The following TNFRSF13C variants were observed in gnomAD, a reference collection of about 807,000 sequenced individuals.
TNFRSF13C encodes TNF receptor superfamily member 13C.
A neutral mutation model predicts 12.1 loss-of-function variants in TNFRSF13C; 7 were observed. The ratio of observed to expected loss-of-function variants is 0.58; its 90% CI spans 0.33 to 1.08. The LOEUF is 1.08. TNFRSF13C is among the 50% of genes least tolerant of loss of function. The probability of loss-of-function intolerance (pLI) is 0.04; values close to 1 mark genes in which losing one functional copy is unlikely to be tolerated. For missense variants in TNFRSF13C, 260 were observed against 265.9 expected, an observed-to-expected ratio of 0.98 and a Z score of 0.15; for synonymous variants, 157 against 130.8, an observed-to-expected ratio of 1.20 and a Z score of -1.37.
At position 41,925,333 on chromosome 22, in the gene TNFRSF13C, G is replaced by A; in HGVS notation, c.*34C>T. 1 of 1,579,276 alleles carries A rather than the reference G, an allele frequency of 6.3e-7. No individual in the cohort carries two copies. The highest frequency in any genetic ancestry group is 8.6e-7 in the Non-Finnish European group (1 of 1,167,028). On this transcript the variant is annotated 3_prime_UTR_variant, in exon 3 of 3. Transcript: ENST00000291232. ...CCAAGCCCCTGGCTGGGGGTCCAGA[G>A]GGAGGGCAGGGGCCACCTCCTGCCG... is the stretch of plus-strand genomic sequence containing the variant.
In TNFRSF13C at chr22:41,926,282, C is replaced by T; in HGVS notation, c.186G>A (p.Ser62=). The T allele has an allele frequency of 1.3e-6, 2 of 1,487,162 alleles. No individual in the cohort carries two copies. Among genetic ancestry groups the T allele is most frequent in the South Asian group, 1.3e-5 (1 of 78,370 alleles). 92.1% of individuals were successfully genotyped at this position (1,487,162 alleles called of 1,614,324 possible). ...APRTALQPQE[S]VGAGAGEAAL... is the part of the protein sequence containing the mutation. ...CCGCCTCGCCGGCCCCCGCGCCCAC[C>T]GACTCCTGCGGCTGCAGCGCCGTCC... Residue 62 remains serine, a synonymous_variant, in exon 2 of 3, where the codon TCG becomes TCA. Transcript: ENST00000291232. The surrounding 1 kb of genome is among the most constrained non-coding windows in gnomAD (Gnocchi z 4.9).
At position 41,926,068 on chromosome 22, in the gene TNFRSF13C, G is replaced by A; in HGVS notation, c.367+33C>T. The A allele has an allele frequency of 6.2e-7, 1 of 1,611,242 alleles. No homozygotes were observed. The highest frequency in any genetic ancestry group is 8.5e-7 in the Non-Finnish European group (1 of 1,179,232). ...CCCGACACCCCAGCCCCTGCGCCCC[G>A]CTCAGACTGGTTCCCCTACACACGG... On this transcript the variant is annotated intron_variant, in intron 2 of 2. Transcript: ENST00000291232. This position sits in a 1 kb window ranked among gnomAD's most constrained non-coding sequence, Gnocchi z 4.9.
chr22:41,926,255 C>T lies in TNFRSF13C; in HGVS notation c.213G>A (p.Ala71=), dbSNP rs767759337. ...CAAAGAGCAGCCCGGGCAGGGGCAG[C>T]GCCGCCTCGCCGGCCCCCGCGCCCA... The part of the protein sequence containing the change: ...ESVGAGAGEA[A]LPLPGLLFGA... The change falls in exon 2 of 3, where the codon GCG becomes GCA. Residue 71 remains alanine, a synonymous_variant. Coordinates refer to ENST00000291232, the MANE Select transcript of TNFRSF13C (RefSeq NM_052945.4). This position sits in a 1 kb window ranked among gnomAD's most constrained non-coding sequence, Gnocchi z 4.9. The T allele has an allele frequency of 2.6e-4, 387 of 1,504,446 alleles. No individual in the cohort carries two copies. The highest frequency in any genetic ancestry group is 3.0e-4 in the Non-Finnish European group (345 of 1,133,922). 93.2% of individuals were successfully genotyped at this position (1,504,446 alleles called of 1,614,324 possible). A position where few individuals can be genotyped will look rare whatever the true frequency, so the allele number is the denominator to read the frequency against.
rs1602371024 is a variant in TNFRSF13C, at chr22:41,922,163, C to T, written c.*3204G>A. On this transcript the variant is annotated 3_prime_UTR_variant, in exon 3 of 3. Coordinates refer to ENST00000291232, the MANE Select transcript of TNFRSF13C (RefSeq NM_052945.4). ...TATGTAGAAAAATACACCACACACTCGAGGCCTGGGGTTACTGGACACGGG... is the reference window on the plus strand; with the variant it reads ...TATGTAGAAAAATACACCACACACTTGAGGCCTGGGGTTACTGGACACGGG... The T allele has an allele frequency of 6.6e-6, 1 of 152,330 alleles. No homozygotes were observed. Among genetic ancestry groups the T allele is most frequent in the East Asian group, 1.9e-4 (1 of 5,188 alleles). 9.4% of individuals were successfully genotyped at this position (152,330 alleles called of 1,614,324 possible). A position where few individuals can be genotyped will look rare whatever the true frequency, so the allele number is the denominator to read the frequency against.
At position 41,926,121 on chromosome 22, in the gene TNFRSF13C, G is replaced by T. The variant is rs886057588; in HGVS notation, c.347C>A (p.Ala116Asp). The part of the protein sequence containing the change: ...RRLRGASSAE[A>D]PDGDKDAPEP... The stretch of plus-strand genomic sequence containing the variant: ...CTCACCGTCCTTGTCTCCGTCGGGG[G>T]CCTCTGCGGAGGACGCGCCGCGAAG... The change falls in exon 2 of 3, where the codon GCC becomes GAC. Residue 116 changes from alanine to aspartate, a missense_variant. Physicochemically the swap from Ala to Asp is moderately radical, Grantham distance 126. Coordinates refer to ENST00000291232, the MANE Select transcript of TNFRSF13C (RefSeq NM_052945.4). This position sits in a 1 kb window ranked among gnomAD's most constrained non-coding sequence, Gnocchi z 4.9. 2 of 1,612,250 alleles carry T rather than the reference G, an allele frequency of 1.2e-6. No homozygotes were observed. The highest frequency in any genetic ancestry group is 1.7e-6 in the Non-Finnish European group (2 of 1,179,818).
In TNFRSF13C at chr22:41,925,374, T is replaced by G; in HGVS notation, c.548A>C (p.Gln183Pro). Residue 183 changes from glutamine to proline, a missense_variant, in exon 3 of 3, where the codon CAA becomes CCA. Transcript: ENST00000291232. Reference protein sequence around the residue: ...LVTTKTAGPEQQ With the variant: ...LVTTKTAGPEPQ ...CCTCCTGCCGGCTCCCTGCTATTGT[T>G]GCTCAGGGCCGGCCGTCTTGGTGGT... 6.2e-7 allele frequency: 1 copy of G among 1,602,814 alleles called. No homozygotes were observed. Among genetic ancestry groups the G allele is most frequent in the Non-Finnish European group, 8.5e-7 (1 of 1,177,398 alleles).
In TNFRSF13C at chr22:41,924,647, CA is replaced by C. The variant is rs2077620396; in HGVS notation, c.*719del. The stretch of plus-strand genomic sequence containing the variant: ...TGCGTGATACAGCAAGACCCTGTCT[CA>C]AAAAAAACCAAAACACAAAACAAGG... On this transcript the variant is annotated 3_prime_UTR_variant, in exon 3 of 3. Coordinates refer to ENST00000291232, the MANE Select transcript of TNFRSF13C (RefSeq NM_052945.4). The C allele has an allele frequency of 6.6e-6, 1 of 151,164 alleles. No individual in the cohort carries two copies. The highest frequency in any genetic ancestry group is 1.5e-5 in the Non-Finnish European group (1 of 67,874). The allele number at this position is 151,164 out of a possible 1,614,324, so 9.4% of individuals were successfully genotyped here.
Position 41,926,070 on chromosome 22 carries a change from T to C in TNFRSF13C, c.367+31A>G. ...CGACACCCCAGCCCCTGCGCCCCGC[T>C]CAGACTGGTTCCCCTACACACGGAA... On this transcript the variant is annotated intron_variant, in intron 2 of 2. Transcript: ENST00000291232. This position sits in a 1 kb window ranked among gnomAD's most constrained non-coding sequence, Gnocchi z 4.9. 1.2e-6 allele frequency: 2 copies of C among 1,611,540 alleles called. No homozygotes were observed. The highest frequency in any genetic ancestry group is 1.7e-6 in the Non-Finnish European group (2 of 1,179,498).
At position 41,924,500 on chromosome 22, in the gene TNFRSF13C, A is replaced by G. The variant is rs2146587605; in HGVS notation, c.*867T>C. The stretch of plus-strand genomic sequence containing the variant: ...GAGACTCTGTCTCAAAAAAAAAAAA[A>G]AAAAAAAAATTAGCTGGGCAAGGTG... On this transcript the variant is annotated 3_prime_UTR_variant, in exon 3 of 3. Transcript: ENST00000291232. 6.6e-6 allele frequency: 1 copy of G among 151,572 alleles called. No homozygotes were observed. The highest frequency in any genetic ancestry group is 1.9e-4 in the East Asian group (1 of 5,144). The allele number at this position is 151,572 out of a possible 1,614,324, so 9.4% of individuals were successfully genotyped here.
Position 41,926,745 on chromosome 22 carries a change from C to A in TNFRSF13C, c.29G>T (p.Gly10Val). 7.2e-7 allele frequency: 1 copy of A among 1,385,678 alleles called. No individual in the cohort carries two copies. Among genetic ancestry groups the A allele is most frequent in the Non-Finnish European group, 9.3e-7 (1 of 1,073,006 alleles). The allele number at this position is 1,385,678 out of a possible 1,614,324, so 85.8% of individuals were successfully genotyped here. A position where few individuals can be genotyped will look rare whatever the true frequency, so the allele number is the denominator to read the frequency against. The change falls in exon 1 of 3, where the codon GGC becomes GTC. Residue 10 changes from glycine (G) to valine (V), a missense_variant. Transcript: ENST00000291232. The surrounding 1 kb of genome is among the most constrained non-coding windows in gnomAD (Gnocchi z 4.9). ...GGGCGTGGGGGCTGGCGCGTCCCTG[C>A]CCCGCAGGCTCCGGGGCCCTCGCCT... is the stretch of plus-strand genomic sequence containing the variant. MRRGPRSLR[G>V]RDAPAPTPCV...
Position 41,925,619 on chromosome 22 carries a change from T to C in TNFRSF13C, c.368-65A>G, listed in dbSNP as rs546394806. 6.9e-6 allele frequency: 11 copies of C among 1,584,992 alleles called. No individual in the cohort carries two copies. In the African/African-American group the frequency reaches 1.1e-4, roughly 15 times the overall value. On this transcript the variant is annotated intron_variant, in intron 2 of 2. Coordinates refer to ENST00000291232, the MANE Select transcript of TNFRSF13C (RefSeq NM_052945.4). ...GCCTTCCCTCCCTCCCCTAGAAGACTCCTCTGGAGGGGCAGTCCTCCGTCA... is the reference window on the plus strand; with the variant it reads ...GCCTTCCCTCCCTCCCCTAGAAGACCCCTCTGGAGGGGCAGTCCTCCGTCA...
At position 41,923,195 on chromosome 22, in the gene TNFRSF13C, C is replaced by T. The variant is rs574394923; in HGVS notation, c.*2172G>A. ...GCTCTGGTGGCAGCTCAGGGGGAGG[C>T]AGGCAGAAAACATCTGATGCACAGA... On this transcript the variant is annotated 3_prime_UTR_variant, in exon 3 of 3. Coordinates refer to ENST00000291232, the MANE Select transcript of TNFRSF13C (RefSeq NM_052945.4). 5.8e-5 allele frequency: 9 copies of T among 155,464 alleles called. No individual in the cohort carries two copies. In the South Asian group the frequency reaches 1.2e-3, roughly 21 times the overall value. 9.6% of individuals were successfully genotyped at this position (155,464 alleles called of 1,614,324 possible).
At position 41,926,270 on chromosome 22, in the gene TNFRSF13C, C is replaced by G; in HGVS notation, c.198G>C (p.Gly66=). The G allele has an allele frequency of 6.7e-7, 1 of 1,491,656 alleles. No homozygotes were observed. Among genetic ancestry groups the G allele is most frequent in the Non-Finnish European group, 8.9e-7 (1 of 1,128,656 alleles). 92.4% of individuals were successfully genotyped at this position (1,491,656 alleles called of 1,614,324 possible). A position where few individuals can be genotyped will look rare whatever the true frequency, so the allele number is the denominator to read the frequency against. Reference sequence around the variant, plus strand: ...GCAGGGGCAGCGCCGCCTCGCCGGCCCCCGCGCCCACCGACTCCTGCGGCT... The same window carrying G: ...GCAGGGGCAGCGCCGCCTCGCCGGCGCCCGCGCCCACCGACTCCTGCGGCT... The part of the protein sequence containing the change: ...ALQPQESVGA[G]AGEAALPLPG... The change falls in exon 2 of 3, where the codon GGG becomes GGC. Residue 66 remains glycine (G), a synonymous_variant. Coordinates refer to ENST00000291232, the MANE Select transcript of TNFRSF13C (RefSeq NM_052945.4). This position sits in a 1 kb window ranked among gnomAD's most constrained non-coding sequence, Gnocchi z 4.9.
rs778466279 is a variant in TNFRSF13C at position 41,926,113 on chromosome 22, C to T, written c.355G>A (p.Gly119Arg). 6.2e-7 allele frequency: 1 copy of T among 1,612,502 alleles called. No individual in the cohort carries two copies. Among genetic ancestry groups the T allele is most frequent in the South Asian group, 1.1e-5 (1 of 91,066 alleles). The part of the protein sequence containing the change: ...RGASSAEAPD[G>R]DKDAPEPLDK... The stretch of plus-strand genomic sequence containing the variant: ...ACACGGAACTCACCGTCCTTGTCTC[C>T]GTCGGGGGCCTCTGCGGAGGACGCG... The change falls in exon 2 of 3, where the codon GGA becomes AGA. Residue 119 changes from glycine (G) to arginine (R), a missense_variant. Physicochemically the swap from Gly to Arg is moderately radical, Grantham distance 125. Transcript: ENST00000291232. This position sits in a 1 kb window ranked among gnomAD's most constrained non-coding sequence, Gnocchi z 4.9.
Position 41,926,613 on chromosome 22 carries a change from C to A in TNFRSF13C, c.136+25G>T. 7.0e-7 allele frequency: 1 copy of A among 1,419,730 alleles called. No individual in the cohort carries two copies. Among genetic ancestry groups the A allele is most frequent in the Non-Finnish European group, 9.2e-7 (1 of 1,090,066 alleles). 87.9% of individuals were successfully genotyped at this position (1,419,730 alleles called of 1,614,324 possible). On this transcript the variant is annotated intron_variant, in intron 1 of 2. Coordinates refer to ENST00000291232, the MANE Select transcript of TNFRSF13C (RefSeq NM_052945.4). This position sits in a 1 kb window ranked among gnomAD's most constrained non-coding sequence, Gnocchi z 4.9. ...CCGTTCTCCCCGCAGCTGCCGGCGC[C>A]GCGCGCCCCGTGGGTCCCCCTTACC...
In TNFRSF13C at chr22:41,926,469, A is replaced by G. The variant is rs1268223591; in HGVS notation, c.137-138T>C. 9.0e-7 allele frequency: 1 copy of G among 1,105,066 alleles called. No homozygotes were observed. The highest frequency in any genetic ancestry group is 1.7e-5 in the African/African-American group (1 of 59,788). The allele number at this position is 1,105,066 out of a possible 1,614,324, so 68.5% of individuals were successfully genotyped here. A position where few individuals can be genotyped will look rare whatever the true frequency, so the allele number is the denominator to read the frequency against. On this transcript the variant is annotated intron_variant, in intron 1 of 2. Transcript: ENST00000291232. This position sits in a 1 kb window ranked among gnomAD's most constrained non-coding sequence, Gnocchi z 4.9. The stretch of plus-strand genomic sequence containing the variant: ...GGGCGGTGGACAAGGGGAGGGAGAG[A>G]GGCGGCGGTGAGGGCCACGCGGTGA...
chr22:41,923,729 C>T lies in TNFRSF13C; in HGVS notation c.*1638G>A, dbSNP rs2077615931. On this transcript the variant is annotated 3_prime_UTR_variant, in exon 3 of 3. Coordinates refer to ENST00000291232, the MANE Select transcript of TNFRSF13C (RefSeq NM_052945.4). ...GTGCTGTGTCTTGGAGCAGCTGGAA[C>T]CCCAGGTGGACCCTGAGAGAGCTAC... The T allele has an allele frequency of 6.6e-6, 1 of 152,248 alleles. No homozygotes were observed. The highest frequency in any genetic ancestry group is 6.5e-5 in the Admixed American group (1 of 15,284). The allele number at this position is 152,248 out of a possible 1,614,324, so 9.4% of individuals were successfully genotyped here.
In TNFRSF13C at chr22:41,926,010, C is replaced by G; in HGVS notation, c.367+91G>C. 6.5e-7 allele frequency: 1 copy of G among 1,527,722 alleles called. No homozygotes were observed. The highest frequency in any genetic ancestry group is 9.0e-7 in the Non-Finnish European group (1 of 1,114,700). 94.6% of individuals were successfully genotyped at this position (1,527,722 alleles called of 1,614,324 possible). A position where few individuals can be genotyped will look rare whatever the true frequency, so the allele number is the denominator to read the frequency against. The stretch of plus-strand genomic sequence containing the variant: ...GTTTCCCCTTAAAGCCCTTCTCTCC[C>G]CCTCAGGGGCCATGCATCTCCCCCT... On this transcript the variant is annotated intron_variant, in intron 2 of 2. Transcript: ENST00000291232. This position sits in a 1 kb window ranked among gnomAD's most constrained non-coding sequence, Gnocchi z 4.9.
At position 41,923,673 on chromosome 22, in the gene TNFRSF13C, G is replaced by A. The variant is rs1208623832; in HGVS notation, c.*1694C>T. On this transcript the variant is annotated 3_prime_UTR_variant, in exon 3 of 3. Transcript: ENST00000291232. ...CCTCTACACAAAGGAGCCTCCTGTA[G>A]GTCCCAGCCCTTCCATGTTTATGGC... 1.3e-5 allele frequency: 2 copies of A among 152,274 alleles called. No homozygotes were observed. Among genetic ancestry groups the A allele is most frequent in the African/African-American group, 4.8e-5 (2 of 41,460 alleles). 9.4% of individuals were successfully genotyped at this position (152,274 alleles called of 1,614,324 possible).
Sources: gnomAD v4.1 joint callset for allele counts on GRCh38, gnomAD v4.1.1 for gene constraint, Gnocchi (gnomAD v3.1) non-coding constraint, MANE v1.5 for transcripts, NCBI Gene and HGNC (gene_info 2026-07-23, HGNC 2026-07-21) for gene names.